ALLC: variants seen among roughly 807,000 people sequenced by gnomAD.
ALLC encodes probable inactive allantoicase.
ALLC carries 40 observed loss-of-function variants against 45.0 expected under a neutral mutation model. That is an observed-to-expected ratio of 0.89 (90% CI 0.69 to 1.16). ALLC has a LOEUF of 1.16. ALLC is among the 50% of genes most tolerant of loss of function. The pLI, the probability that ALLC is intolerant of heterozygous loss-of-function variation, is 0.00. For missense variants in ALLC, 488 were observed against 493.1 expected (o/e 0.99, Z 0.10); for synonymous variants, 176 against 178.1 (o/e 0.99, Z 0.09).
rs773933562 is a variant in ALLC at position 3,681,715 on chromosome 2, T to C, written c.378+2T>C. 20 of 1,605,570 alleles carry C rather than the reference T, an allele frequency of 1.2e-5. No homozygotes were observed. Among genetic ancestry groups the C allele is most frequent in the Admixed American group, 1.7e-5 (1 of 59,198 alleles). On this transcript the variant is annotated splice_donor_variant, in intron 6 of 11. Coordinates refer to ENST00000252505, the MANE Select transcript of ALLC (RefSeq NM_018436.4). LOFTEE classifies it high-confidence loss of function. ...GAGGAGTTTGAAGCCATTGCTGAGG[T>C]ACATCTCCCCCAAATGAATTGGGTC...
At chr2:3,695,680 T>G (rs770196203) in intron 7 of ALLC, 37 bp from the exon 8 acceptor site, 2 of 1,613,394 alleles carry the variant, frequency 1.2e-6, no homozygotes, top group Non-Finnish European at 1.7e-6. Context: ...AAGCAGCCAT[T>G]TTTACAAACA....
At position 3,679,962 on chromosome 2, in the gene ALLC, G is replaced by T; in HGVS notation, c.266G>T (p.Arg89Leu). 1 of 1,613,958 alleles carries T rather than the reference G, an allele frequency of 6.2e-7. No individual in the cohort carries two copies. Residue 89 changes from arginine to leucine, a missense_variant, in exon 5 of 12, where the codon CGA (arginine) becomes CTA (leucine). Physicochemically the swap from Arg to Leu is moderately radical, Grantham distance 102. Coordinates refer to ENST00000252505, the MANE Select transcript of ALLC (RefSeq NM_018436.4). ...TACTTCACGGGAGATTACGCTCCTC[G>T]AGTGTCCATTCAAGCAGCAAACTTG... ...VSYFTGDYAP[R>L]VSIQAANLEE...
the ALLC span, among the ~76,000 whole-genome samples, chr2:3,646,165 A>G: frequency 1.3e-5 from 2 of 151,946 alleles, no homozygotes; most frequent in Non-Finnish European, 2.9e-5. Flanking sequence ...AGGCATGTGT[A>G]CTACCTGCTA....
At chr2:3,651,419 G>A in the ALLC span, among the ~76,000 whole-genome samples, 1 of 56,220 alleles carries the variant, frequency 1.8e-5, no homozygotes. Context: ...GTGTGTGTGT[G>A]TGTGTGTGTG....
chr2:3,661,891 CA>C (rs1572503268), intron 1 of ALLC, among the ~76,000 whole-genome samples: 1 of 152,176 alleles, frequency 6.6e-6, no homozygotes, highest in East Asian at 1.9e-4. Context: ...AGGCTGAAAT[CA>C]AAATCCAGGT....
intron 7 of ALLC, among the ~76,000 whole-genome samples, chr2:3,691,105 AT>A (rs1171726258): frequency 1.3e-5 from 2 of 151,744 alleles, no homozygotes; most frequent in Non-Finnish European, 2.9e-5. Context: ...GGATGGCAGT[AT>A]TTTTTTCTTT....
chr2:3,680,818 C>G lies in ALLC; in HGVS notation c.299-816C>G, dbSNP rs1667157780. On this transcript the variant is annotated intron_variant, in intron 5 of 11. Transcript: ENST00000252505. The surrounding 1 kb of genome is among the most constrained non-coding windows in gnomAD (Gnocchi z 4.0). The stretch of plus-strand genomic sequence containing the variant: ...GCGATAATATCAAGGTTGACATGTT[C>G]TGGACTAAGGACAGTAAATCAAGTT... Among the ~76,000 whole-genome samples the G allele has an allele frequency of 6.6e-6, 1 of 152,098 alleles. No homozygotes were observed. The highest frequency in any genetic ancestry group is 6.5e-5 in the Admixed American group (1 of 15,276).
intron 1 of ALLC, among the ~76,000 whole-genome samples, chr2:3,662,145 A>G (rs1199271686): frequency 6.6e-6 from 1 of 152,098 alleles, no homozygotes; most frequent in Admixed American, 6.5e-5. Flanking sequence ...TCTGCTCCAC[A>G]GTTCTGTTTG....
At chr2:3,688,418 C>A (rs904865564) in intron 7 of ALLC, 3 of 175,656 alleles carry the variant, frequency 1.7e-5, no homozygotes, top group Non-Finnish European at 3.6e-5. Context: ...CAAGAAGGGG[C>A]ACCCATGGTC....
intron 1 of ALLC, among the ~76,000 whole-genome samples, chr2:3,660,220 A>G (rs765787633): frequency 8.5e-5 from 13 of 152,098 alleles, no homozygotes; most frequent in Non-Finnish European, 1.9e-4. Context: ...CGTCCCTCCC[A>G]CGCTTCCTCT....
intron 1 of ALLC, among the ~76,000 whole-genome samples, chr2:3,667,041 C>T (rs1251940745): frequency 6.6e-6 from 1 of 152,166 alleles, no homozygotes; most frequent in Non-Finnish European, 1.5e-5. Context: ...CCAGATTGGA[C>T]AATATGGGTC....
chr2:3,653,811 C>T (rs1323121867), upstream of ALLC, among the ~76,000 whole-genome samples: 1 of 152,186 alleles, frequency 6.6e-6, no homozygotes, highest in East Asian at 1.9e-4. The surrounding 1 kb of genome is among the most constrained non-coding windows in gnomAD (Gnocchi z 4.1). Context: ...GTGTATCTTT[C>T]CCGCTCCTGC....
At chr2:3,666,638 G>C (rs1666732388) in intron 1 of ALLC, among the ~76,000 whole-genome samples, 1 of 152,266 alleles carries the variant, frequency 6.6e-6, no homozygotes, top group South Asian at 2.1e-4. Context: ...AAACAGGGCA[G>C]CGCGCAGTCA....
rs2148020156 is a variant in ALLC, at chr2:3,695,588, A to G, written c.512-129A>G. ...TGGGGCAGTGGGCTTGTTGTATTTGAGAAACAGCAGGTGGGTGTGGCCAAA... is the reference window on the plus strand; with the variant it reads ...TGGGGCAGTGGGCTTGTTGTATTTGGGAAACAGCAGGTGGGTGTGGCCAAA... On this transcript the variant is annotated intron_variant, in intron 7 of 11. Transcript: ENST00000252505. The G allele has an allele frequency of 1.4e-5, 14 of 988,974 alleles. No homozygotes were observed. In the South Asian group the frequency reaches 2.0e-4, roughly 14 times the overall value. The allele number at this position is 988,974 out of a possible 1,614,324, so 61.3% of individuals were successfully genotyped here.
chr2:3,697,456 G>C lies in ALLC; in HGVS notation c.850G>C (p.Gly284Arg), dbSNP rs962917433. Residue 284 changes from glycine (G) to arginine (R), a missense_variant and splice_region_variant, in exon 10 of 12, where the codon GGC becomes CGC. Physicochemically the swap from Gly to Arg is moderately radical, Grantham distance 125 (BLOSUM62 -2). Coordinates refer to ENST00000252505, the MANE Select transcript of ALLC (RefSeq NM_018436.4). Reference sequence around the variant, plus strand: ...TGAAATTGACACAAAATATTTTGAAGGTAAATGCAAAGCCATAAAGAAGTA... The same window carrying C: ...TGAAATTGACACAAAATATTTTGAACGTAAATGCAAAGCCATAAAGAAGTA... ...RIEIDTKYFE[G>R]NAPDSCKVDG... The C allele has an allele frequency of 2.5e-6, 4 of 1,612,156 alleles. No homozygotes were observed. Among genetic ancestry groups the C allele is most frequent in the African/African-American group, 2.7e-5 (2 of 74,982 alleles).
chr2:3,691,181 T>A (rs1667507260), intron 7 of ALLC, among the ~76,000 whole-genome samples: 2 of 152,202 alleles, frequency 1.3e-5, no homozygotes, highest in African/African-American at 4.8e-5. Context: ...AAGTCTGTTG[T>A]CAGATGAATT....
the ALLC span, among the ~76,000 whole-genome samples, chr2:3,646,429 C>T: frequency 1.3e-5 from 2 of 152,234 alleles, no homozygotes; most frequent in Admixed American, 6.5e-5. Context: ...AGGCCTTTCA[C>T]AGTTCTTGAC....
At chr2:3,671,960 T>G (rs1442548756) in intron 2 of ALLC, among the ~76,000 whole-genome samples, 7 of 94,844 alleles carry the variant, frequency 7.4e-5, no homozygotes, top group East Asian at 6.0e-4. Flanking sequence ...TCTGGCTCTA[T>G]TTAGATCCGA....
At chr2:3,665,073 T>C (rs1666670502) in intron 1 of ALLC, among the ~76,000 whole-genome samples, 1 of 152,072 alleles carries the variant, frequency 6.6e-6, no homozygotes, top group South Asian at 2.1e-4. Flanking sequence ...GTTCACCTAG[T>C]TTGAATAACA....
Sources: allele counts gnomAD v4.1 joint callset (sites outside exome capture counted in the v4.1 genomes callset), GRCh38; gene constraint gnomAD v4.1.1; non-coding constraint Gnocchi (gnomAD v3.1); transcripts MANE v1.5; gene names NCBI Gene and HGNC (gene_info 2026-07-23, HGNC 2026-07-21).